Variants in PPP6R2 observed in about 807,000 individuals in gnomAD.
PPP6R2 encodes the protein serine/threonine-protein phosphatase 6 regulatory subunit 2.
In PPP6R2, 62 loss-of-function variants were observed where a neutral mutation model predicts 100.2. That is an observed-to-expected ratio of 0.62 (90% confidence interval 0.50 to 0.76). The LOEUF is 0.76. Ranked by LOEUF, PPP6R2 falls within the 30% of genes least tolerant of loss-of-function variation. The pLI is 0.00. For synonymous variants in PPP6R2, 525 were observed against 514.7 expected, an observed-to-expected ratio of 1.02 and a Z score of -0.27; for missense variants, 1,142 against 1,276.3, an observed-to-expected ratio of 0.89 and a Z score of 1.60.
At chr22:50,378,246 A>G (rs1245003868) in intron 2 of PPP6R2, among the ~76,000 whole-genome samples, 1 of 152,160 alleles carries the variant, frequency 6.6e-6, no homozygotes, top group Non-Finnish European at 1.5e-5. Flanking sequence ...AAGTAAAACA[A>G]TTCCTGACTT....
chr22:50,364,135 G>T (rs1192820198), intron 1 of PPP6R2, among the ~76,000 whole-genome samples: 1 of 152,088 alleles, frequency 6.6e-6, no homozygotes, highest in African/African-American at 2.4e-5. Flanking sequence ...GACCTCAGGT[G>T]ATCTGCCCAC....
chr22:50,331,843 A>G, the PPP6R2 span, among the ~76,000 whole-genome samples: 1 of 152,096 alleles, frequency 6.6e-6, no homozygotes, highest in Non-Finnish European at 1.5e-5. Flanking sequence ...GCTGGTCTTG[A>G]ACTCCTGACC....
intron 1 of PPP6R2, among the ~76,000 whole-genome samples, chr22:50,362,496 TC>T (rs2047989175): frequency 6.6e-6 from 1 of 152,156 alleles, no homozygotes; most frequent in African/African-American, 2.4e-5. Flanking sequence ...CTTACTGTGT[TC>T]CCGTTGCAGA....
chr22:50,335,664 A>C, the PPP6R2 span, among the ~76,000 whole-genome samples: 1 of 145,964 alleles, frequency 6.9e-6, no homozygotes. Flanking sequence ...GGTGCGCACC[A>C]CCACACCCAA....
At chr22:50,415,897 A>T (rs989399497) in intron 5 of PPP6R2, among the ~76,000 whole-genome samples, 195 bp from the exon 6 acceptor site, 2 of 152,190 alleles carry the variant, frequency 1.3e-5, no homozygotes, top group African/African-American at 4.8e-5. Flanking sequence ...ATCCTTTATC[A>T]TCTTTTGAGC....
rs750796279 is a variant in PPP6R2 at position 50,432,343 on chromosome 22, G to A, written c.1400+14G>A. On this transcript the variant is annotated intron_variant, in intron 12 of 23. Transcript: ENST00000612753. The stretch of plus-strand genomic sequence containing the variant: ...CGACCACACGCAGTAAGAGCCGCTC[G>A]GACGTGGAGGGACCCAGCCTGGCCA... 2.0e-5 allele frequency: 31 copies of A among 1,546,748 alleles called. No individual in the cohort carries two copies. Among genetic ancestry groups the A allele is most frequent in the Admixed American group, 7.8e-5 (4 of 50,996 alleles).
chr22:50,397,368 G>C (rs78442794), intron 3 of PPP6R2, among the ~76,000 whole-genome samples: 1 of 152,148 alleles, frequency 6.6e-6, no homozygotes, highest in Non-Finnish European at 1.5e-5. Flanking sequence ...GAGGGAAGTC[G>C]GGTGGTGGGA....
intron 2 of PPP6R2, among the ~76,000 whole-genome samples, chr22:50,377,177 G>A (rs193168609): frequency 2.7e-4 from 41 of 152,292 alleles, no homozygotes; most frequent in African/African-American, 9.1e-4. Flanking sequence ...ATTCAGGCCA[G>A]GTGAGGTGGC....
rs1449139022 is a variant in PPP6R2 at position 50,380,717 on chromosome 22, C to T, written c.-17+8567C>T. On this transcript the variant is annotated intron_variant, in intron 2 of 23. Coordinates refer to ENST00000612753, the MANE Select transcript of PPP6R2 (RefSeq NM_001242898.2). ...ACTAAGAGTGAGAACTGGCCGGGTG[C>T]GGTGGCTCACGCCTGTAATCCCAGC... 2.7e-5 allele frequency among the ~76,000 whole-genome samples: 4 copies of T among 148,342 alleles called. No homozygotes were observed. In the East Asian group the frequency reaches 6.6e-4, roughly 24 times the overall value.
At chr22:50,351,027 T>G (rs112727677) in intron 1 of PPP6R2, among the ~76,000 whole-genome samples, 5,799 of 39,990 alleles carry the variant, frequency 0.15, 231 homozygotes, top group African/African-American at 0.4. Flanking sequence ...CTCAACAGTG[T>G]TTTTTTTTTT....
At chr22:50,402,399 T>C (rs1043811008) in intron 3 of PPP6R2, among the ~76,000 whole-genome samples, 1 of 150,346 alleles carries the variant, frequency 6.7e-6, no homozygotes, top group Non-Finnish European at 1.5e-5. Context: ...CTGTGCCTGG[T>C]GTCCCTGGCC....
chr22:50,373,497 C>T (rs1251114743), intron 2 of PPP6R2, among the ~76,000 whole-genome samples: 1 of 151,898 alleles, frequency 6.6e-6, no homozygotes, highest in Non-Finnish European at 1.5e-5. Context: ...CCCGCCTCGG[C>T]CTCCCAAAGT....
In PPP6R2 at chr22:50,431,496, C is replaced by G; in HGVS notation, c.1335+114C>G. Reference sequence around the variant, plus strand: ...CTGTGCAGCTGACACGGGGGCAGGGCTTTGAAAAGGGTCCCCAGGTGTCTG... The same window carrying G: ...CTGTGCAGCTGACACGGGGGCAGGGGTTTGAAAAGGGTCCCCAGGTGTCTG... On this transcript the variant is annotated intron_variant, in intron 11 of 23. Coordinates refer to ENST00000612753, the MANE Select transcript of PPP6R2 (RefSeq NM_001242898.2). This position sits in a 1 kb window ranked among gnomAD's most constrained non-coding sequence, Gnocchi z 4.8. 1 of 962,284 alleles carries G rather than the reference C, an allele frequency of 1.0e-6. No homozygotes were observed. The highest frequency in any genetic ancestry group is 2.4e-5 in the Admixed American group (1 of 41,114). 59.6% of individuals were successfully genotyped at this position (962,284 alleles called of 1,614,324 possible). A position where few individuals can be genotyped will look rare whatever the true frequency, so the allele number is the denominator to read the frequency against.
At chr22:50,418,760 G>A (rs1246731858) in intron 6 of PPP6R2, 107 bp from the exon 7 acceptor site, 2 of 819,676 alleles carry the variant, frequency 2.4e-6, no homozygotes, top group Admixed American at 4.2e-5. Context: ...CGAAAGTCTA[G>A]CATCTGCCAG....
intron 2 of PPP6R2, among the ~76,000 whole-genome samples, chr22:50,374,911 CAAAAAAAAAAAAAAAAAAAAGAG>C (rs1286494143): frequency 2.5e-5 from 2 of 80,986 alleles, no homozygotes; most frequent in Non-Finnish European, 4.9e-5. Context: ...GACTCTGTCT[CAAAAAAAAAAAAAAAAAAAAGAG>C]AAAAAGAAAA....
Position 50,437,479 on chromosome 22 carries a change from G to GTCCCTCCCTCCCTCCC in PPP6R2, c.1684-18_1684-3dup. ...CCTCCTCCATGACCGGTGTCTGTCC[G>GTCCCTCCCTCCCTCCC]TCCCTCCCTCCCTCCCTCCCTCCCA... On this transcript the variant is annotated intron_variant, in intron 15 of 23. Coordinates refer to ENST00000612753, the MANE Select transcript of PPP6R2 (RefSeq NM_001242898.2). 3.9e-6 allele frequency: 3 copies of GTCCCTCCCTCCCTCCC among 776,356 alleles called. No individual in the cohort carries two copies. The East Asian group carries it at 7.4e-5, about 19-fold the overall frequency. 48.1% of individuals were successfully genotyped at this position (776,356 alleles called of 1,614,324 possible).
upstream of PPP6R2, among the ~76,000 whole-genome samples, chr22:50,341,494 G>A (rs556945832): frequency 3.3e-4 from 50 of 151,694 alleles, 1 homozygote; most frequent in Non-Finnish European, 4.1e-4. Context: ...GTGAGCCACC[G>A]TGCCCAGGCA....
chr22:50,440,447 AG>A (rs1251338146), intron 21 of PPP6R2, among the ~76,000 whole-genome samples: 2 of 148,874 alleles, frequency 1.3e-5, no homozygotes, highest in African/African-American at 4.9e-5. Context: ...CCCCCAGATA[AG>A]GCTGAGAGCT....
In PPP6R2 at chr22:50,423,373, G is replaced by A. The variant is rs2061586866; in HGVS notation, c.973-89G>A. The stretch of plus-strand genomic sequence containing the variant: ...CCTCGCTACCCCAGGCTGGGTCCCA[G>A]CCTAGAGTGATGGGCATGAGCCCAG... On this transcript the variant is annotated intron_variant, in intron 9 of 23. Coordinates refer to ENST00000612753, the MANE Select transcript of PPP6R2 (RefSeq NM_001242898.2). This position sits in a 1 kb window ranked among gnomAD's most constrained non-coding sequence, Gnocchi z 4.8. 6.5e-7 allele frequency: 1 copy of A among 1,549,160 alleles called. No homozygotes were observed. The highest frequency in any genetic ancestry group is 1.7e-5 in the Admixed American group (1 of 57,428).
Sources: allele counts gnomAD v4.1 joint callset (sites outside exome capture counted in the v4.1 genomes callset), GRCh38; gene constraint gnomAD v4.1.1; non-coding constraint Gnocchi (gnomAD v3.1); transcripts MANE v1.5; gene names NCBI Gene and HGNC (gene_info 2026-07-23, HGNC 2026-07-21).